PMM2: variants seen among roughly 807,000 people sequenced by gnomAD.
PMM2 encodes mannose-6-phosphate isomerase.
A neutral mutation model predicts 33.2 loss-of-function variants in PMM2; 35 were observed. That is an observed-to-expected ratio of 1.06 (90% CI 0.81 to 1.40). PMM2 has a LOEUF of 1.40. Among genes scored for constraint, PMM2 ranks in the 40% most tolerant of loss-of-function variants. The pLI is 0.00. For synonymous variants in PMM2, 153 were observed against 114.7 expected (o/e 1.33, Z -2.13); for missense variants, 386 against 306.0 (o/e 1.26, Z -1.95).
At chr16:8,828,044 TTTA>T (rs2060788327) in intron 7 of PMM2, among the ~76,000 whole-genome samples, 1 of 139,228 alleles carries the variant, frequency 7.2e-6, no homozygotes, top group Non-Finnish European at 1.5e-5. Flanking sequence ...TTTTTTTTTT[TTTA>T]CAAAATCTTT....
chr16:8,803,885 T>C (rs953954294), intron 2 of PMM2, among the ~76,000 whole-genome samples: 4 of 151,444 alleles, frequency 2.6e-5, no homozygotes, highest in Admixed American at 1.3e-4. Flanking sequence ...GGTTTTACCA[T>C]GTTGGCCAGG....
intron 2 of PMM2, among the ~76,000 whole-genome samples, chr16:8,804,301 C>G (rs979640442): frequency 6.6e-6 from 1 of 152,106 alleles, no homozygotes; most frequent in South Asian, 2.1e-4. Flanking sequence ...CTCAGCCTCC[C>G]AAAGTGCTGG....
At chr16:8,833,699 T>C (rs1369639648) in intron 7 of PMM2, among the ~76,000 whole-genome samples, 3 of 151,196 alleles carry the variant, frequency 2.0e-5, no homozygotes, top group African/African-American at 7.3e-5. Context: ...TCGTATAGAA[T>C]GATTGGTGAT....
intron 1 of PMM2, 136 bp from the exon 2 acceptor site, chr16:8,801,663 C>T: frequency 3.7e-6 from 2 of 543,144 alleles, no homozygotes; most frequent in South Asian, 1.8e-5. Context: ...CAAGTGAGAC[C>T]CTATCTCAAA....
chr16:8,812,270 T>C (rs1245538932), intron 6 of PMM2, among the ~76,000 whole-genome samples: 1 of 152,244 alleles, frequency 6.6e-6, no homozygotes, highest in Non-Finnish European at 1.5e-5. Flanking sequence ...TGGTGTCTAA[T>C]GCAGAGTTCT....
intron 3 of PMM2, among the ~76,000 whole-genome samples, chr16:8,805,166 C>T (rs183279773): frequency 1.3e-5 from 2 of 152,310 alleles, no homozygotes; most frequent in East Asian, 3.9e-4. Context: ...CTCCCTGGTT[C>T]AAACAATTCT....
chr16:8,800,782 C>T (rs1167742331), intron 1 of PMM2, among the ~76,000 whole-genome samples: 1 of 152,050 alleles, frequency 6.6e-6, no homozygotes, highest in South Asian at 2.1e-4. Flanking sequence ...CTCCCGGGTT[C>T]AAGTGATTCT....
intron 7 of PMM2, among the ~76,000 whole-genome samples, chr16:8,840,055 G>T (rs2060879613): frequency 6.6e-6 from 1 of 151,766 alleles, no homozygotes; most frequent in South Asian, 2.1e-4. Flanking sequence ...ATGTTGCCCA[G>T]TCTGTCTGTA....
chr16:8,841,109 C>G (rs2060887648), intron 7 of PMM2, among the ~76,000 whole-genome samples: 1 of 151,900 alleles, frequency 6.6e-6, no homozygotes, highest in Non-Finnish European at 1.5e-5. Context: ...AAGTTGGAGG[C>G]TGAGCTTGGT....
At chr16:8,818,276 T>G (rs188867170) in intron 7 of PMM2, among the ~76,000 whole-genome samples, 1 of 152,304 alleles carries the variant, frequency 6.6e-6, no homozygotes, top group South Asian at 2.1e-4. Flanking sequence ...CAGAGGCACG[T>G]TGGGTGGTTT....
chr16:8,836,628 T>G (rs2060849812), intron 7 of PMM2, among the ~76,000 whole-genome samples: 1 of 152,006 alleles, frequency 6.6e-6, no homozygotes, highest in Admixed American at 6.6e-5. Context: ...ACCTTGAAGG[T>G]GAGGTTAGTT....
chr16:8,844,526 A>C (rs1221294642), intron 7 of PMM2, among the ~76,000 whole-genome samples: 2 of 152,028 alleles, frequency 1.3e-5, no homozygotes, highest in African/African-American at 4.8e-5. Flanking sequence ...GAAGGGGTAG[A>C]GACACGGAAA....
At chr16:8,836,045 A>T (rs11862262) in intron 7 of PMM2, among the ~76,000 whole-genome samples, 125,531 of 150,126 alleles carry the variant, frequency 0.84, 52,813 homozygotes, top group African/African-American at 0.88. Context: ...TAAAAGAGTA[A>T]TGTCTAAATT....
intron 7 of PMM2, among the ~76,000 whole-genome samples, chr16:8,830,708 C>T (rs763564157): frequency 6.6e-6 from 1 of 152,180 alleles, no homozygotes; most frequent in African/African-American, 2.4e-5. Flanking sequence ...GGTTCAGACT[C>T]TTGCAGCCAG....
intron 7 of PMM2, among the ~76,000 whole-genome samples, chr16:8,838,713 A>C (rs1482575426): frequency 6.6e-6 from 1 of 152,026 alleles, no homozygotes; most frequent in African/African-American, 2.4e-5. Flanking sequence ...AGAAGGAGAA[A>C]AATGGGTATT....
chr16:8,800,872 C>T (rs2060611974), intron 1 of PMM2, among the ~76,000 whole-genome samples: 3 of 152,154 alleles, frequency 2.0e-5, no homozygotes, highest in Admixed American at 6.5e-5. Flanking sequence ...TTAATAGAGA[C>T]AGGGTTTCGC....
At chr16:8,829,668 T>C (rs2060798770) in intron 7 of PMM2, among the ~76,000 whole-genome samples, 1 of 152,164 alleles carries the variant, frequency 6.6e-6, no homozygotes, top group South Asian at 2.1e-4. Flanking sequence ...GGATGGTCTC[T>C]GAGCCAGATG....
At chr16:8,825,264 C>G (rs2060760248) in intron 7 of PMM2, among the ~76,000 whole-genome samples, 1 of 152,038 alleles carries the variant, frequency 6.6e-6, no homozygotes, top group Admixed American at 6.6e-5. Flanking sequence ...ATCTCCTGAC[C>G]TCGTGATCCA....
intron 7 of PMM2, among the ~76,000 whole-genome samples, chr16:8,826,603 T>A (rs969392348): frequency 1.3e-5 from 2 of 152,144 alleles, no homozygotes; most frequent in Non-Finnish European, 2.9e-5. Context: ...TAAAACTATC[T>A]TTATTTACCA....
Sources: gnomAD v4.1 joint callset for allele counts (sites outside exome capture counted in the v4.1 genomes callset) on GRCh38, gnomAD v4.1.1 for gene constraint, MANE v1.5 for transcripts, NCBI Gene and HGNC (gene_info 2026-07-23, HGNC 2026-07-21) for gene names.